Variants in ST3GAL3 observed in about 807,000 individuals in gnomAD.
ST3GAL3 encodes ST3 beta-galactoside alpha-2,3-sialyltransferase 3.
In ST3GAL3, 21 loss-of-function variants were observed where a neutral mutation model predicts 50.1. That is an observed-to-expected ratio of 0.42 (90% CI 0.30 to 0.60). The LOEUF (loss-of-function observed/expected upper bound fraction) is 0.60. ST3GAL3 is among the 20% of genes least tolerant of loss of function. ST3GAL3 has a pLI of 0.19. For synonymous variants in ST3GAL3, 183 were observed against 190.0 expected, an observed-to-expected ratio of 0.96 and a Z score of 0.30; for missense variants, 353 against 489.4, an observed-to-expected ratio of 0.72 and a Z score of 2.63.
At chr1:43,777,263 A>G (rs1476654385) in intron 2 of ST3GAL3, among the ~76,000 whole-genome samples, 1 of 152,220 alleles carries the variant, frequency 6.6e-6, no homozygotes, top group African/African-American at 2.4e-5. Context: ...CCAATACACA[A>G]TCCATATTCA....
intron 1 of ST3GAL3, among the ~76,000 whole-genome samples, chr1:43,708,901 ACT>A: frequency 6.6e-6 from 1 of 152,208 alleles, no homozygotes; most frequent in Non-Finnish European, 1.5e-5. Flanking sequence ...CTGAGGGGAA[ACT>A]CAAAACCATT....
intron 3 of ST3GAL3, among the ~76,000 whole-genome samples, chr1:43,803,329 C>T (rs1163529263): frequency 6.7e-6 from 1 of 149,880 alleles, no homozygotes; most frequent in East Asian, 1.9e-4. Context: ...CACTTGGGCC[C>T]AGCAGTTTGA....
chr1:43,929,010 T>C (rs563432089), intron 11 of ST3GAL3, among the ~76,000 whole-genome samples: 1 of 152,350 alleles, frequency 6.6e-6, no homozygotes, highest in South Asian at 2.1e-4. Flanking sequence ...ATAAGGCTGC[T>C]GTCATTCAGC....
chr1:43,725,996 C>T (rs1672759856), intron 1 of ST3GAL3, among the ~76,000 whole-genome samples: 1 of 152,080 alleles, frequency 6.6e-6, no homozygotes, highest in Non-Finnish European at 1.5e-5. Flanking sequence ...TTCTCTATAC[C>T]ATTAAAAAAT....
intron 1 of ST3GAL3, among the ~76,000 whole-genome samples, chr1:43,712,100 A>AT (rs1050799285): frequency 3.3e-5 from 5 of 152,150 alleles, no homozygotes; most frequent in African/African-American, 1.2e-4. Context: ...CAGGAATCTT[A>AT]TTTTTGAGCC....
chr1:43,920,944 TG>T lies in ST3GAL3; in HGVS notation c.1038+21del, dbSNP rs1422559230. On this transcript the variant is annotated intron_variant, in intron 11 of 11. Coordinates refer to ENST00000347631, the MANE Select transcript of ST3GAL3 (RefSeq NM_006279.5). ...CATCAAAGAGGTTCGGGGCTGGGTA[TG>T]GGGGCAATCCCTGGGTGGGGATGAG... 6.3e-7 allele frequency: 1 copy of T among 1,594,282 alleles called. No individual in the cohort carries two copies. The highest frequency in any genetic ancestry group is 1.1e-5 in the South Asian group (1 of 88,784).
intron 5 of ST3GAL3, among the ~76,000 whole-genome samples, chr1:43,854,241 C>T (rs1424722749): frequency 1.3e-5 from 2 of 152,178 alleles, no homozygotes; most frequent in East Asian, 3.8e-4. Context: ...ACCTTCTCCG[C>T]TTCCTCATGT....
At chr1:43,929,046 TTCATCA>T (rs1302757610) in intron 11 of ST3GAL3, among the ~76,000 whole-genome samples, 1 of 152,196 alleles carries the variant, frequency 6.6e-6, no homozygotes, top group Non-Finnish European at 1.5e-5. Context: ...TCAAGCCTTT[TTCATCA>T]AAGTTTTCTG....
chr1:43,855,693 C>A (rs1380138012), intron 5 of ST3GAL3, among the ~76,000 whole-genome samples: 3 of 151,778 alleles, frequency 2.0e-5, no homozygotes, highest in African/African-American at 7.3e-5. Flanking sequence ...CTGAAAATCA[C>A]AATTCTGAAG....
chr1:43,860,898 T>C (rs1214647435), intron 5 of ST3GAL3, among the ~76,000 whole-genome samples: 1 of 152,236 alleles, frequency 6.6e-6, no homozygotes, highest in Non-Finnish European at 1.5e-5. Flanking sequence ...GCTTTTGAGC[T>C]GAGGCAAAAG....
At chr1:43,742,334 C>G (rs1681302173) in intron 2 of ST3GAL3, among the ~76,000 whole-genome samples, 1 of 152,154 alleles carries the variant, frequency 6.6e-6, no homozygotes, top group African/African-American at 2.4e-5. Context: ...CTAAAGCCAA[C>G]CCCCAGCAAG....
chr1:43,902,728 G>GCCAGGGACATGGGGGTGCAGCCT (rs2078497441), intron 9 of ST3GAL3, among the ~76,000 whole-genome samples: 1 of 152,224 alleles, frequency 6.6e-6, no homozygotes, highest in African/African-American at 2.4e-5. Context: ...GAAGGGTGGA[G>GCCAGGGACATGGGGGTGCAGCCT]CCAGGGACAT....
intron 9 of ST3GAL3, among the ~76,000 whole-genome samples, chr1:43,901,309 T>A (rs2078235117): frequency 6.6e-6 from 1 of 152,330 alleles, no homozygotes; most frequent in Non-Finnish European, 1.5e-5. Context: ...TTGATCCCAT[T>A]GGTTTTTACC....
intron 1 of ST3GAL3, among the ~76,000 whole-genome samples, chr1:43,709,845 C>CA (rs1004656925): frequency 1.3e-5 from 2 of 151,380 alleles, no homozygotes; most frequent in African/African-American, 4.9e-5. Flanking sequence ...GAAACTCGGT[C>CA]AAAAAAAAGA....
At chr1:43,724,098 C>CAT (rs891217109) in intron 1 of ST3GAL3, among the ~76,000 whole-genome samples, 22 of 151,396 alleles carry the variant, frequency 1.5e-4, no homozygotes, top group South Asian at 1.3e-3. Context: ...TATATGTATG[C>CAT]ATATATATAT....
At chr1:43,765,785 G>GTA in intron 2 of ST3GAL3, among the ~76,000 whole-genome samples, 2 of 128,668 alleles carry the variant, frequency 1.6e-5, no homozygotes, top group South Asian at 2.3e-4. Flanking sequence ...GTGTGTGTGT[G>GTA]CGCGCGCGCG....
intron 2 of ST3GAL3, among the ~76,000 whole-genome samples, chr1:43,753,189 A>G (rs1686819237): frequency 6.6e-6 from 1 of 152,240 alleles, no homozygotes; most frequent in Admixed American, 6.5e-5. Context: ...TATATTCCAG[A>G]GAACTGTAGG....
chr1:43,768,287 A>T (rs6671186), intron 2 of ST3GAL3, among the ~76,000 whole-genome samples: 11,822 of 151,864 alleles, frequency 0.078, 1,510 homozygotes, highest in African/African-American at 0.27. Context: ...AATTTTTTTT[A>T]AAATTAGCTG....
chr1:43,785,869 G>A (rs1157755488), intron 2 of ST3GAL3, among the ~76,000 whole-genome samples: 1 of 152,102 alleles, frequency 6.6e-6, no homozygotes, highest in African/African-American at 2.4e-5. Flanking sequence ...AGGGGAGGAA[G>A]GGTCATGTGG....
Sources: allele counts gnomAD v4.1 joint callset (sites outside exome capture counted in the v4.1 genomes callset), GRCh38; gene constraint gnomAD v4.1.1; transcripts MANE v1.5; gene names NCBI Gene and HGNC (gene_info 2026-07-23, HGNC 2026-07-21).